TMCC1: variants seen among roughly 807,000 people sequenced by gnomAD.
The protein encoded by TMCC1 is transmembrane and coiled-coil domains protein 1.
Under a neutral mutation model 52.4 loss-of-function variants are expected in TMCC1, and 15 were observed. That is an observed-to-expected ratio of 0.29 (90% confidence interval 0.19 to 0.44). The LOEUF is 0.44. Among genes scored for constraint, TMCC1 ranks in the 20% least tolerant of loss-of-function variants. The pLI, the probability that TMCC1 is intolerant of heterozygous loss-of-function variation, is 1.00. For synonymous variants in TMCC1, 279 were observed against 301.9 expected (o/e 0.92, Z 0.79); for missense variants, 503 against 806.0 (o/e 0.62, Z 4.55).
At chr3:129,801,825 T>C (rs1017388737) in intron 4 of TMCC1, among the ~76,000 whole-genome samples, 66 of 152,346 alleles carry the variant, frequency 4.3e-4, no homozygotes, top group African/African-American at 1.5e-3. Context: ...TCATTTTCTA[T>C]AGAAGTAAGA....
chr3:129,765,148 C>T (rs2054020967), intron 4 of TMCC1, among the ~76,000 whole-genome samples: 1 of 146,930 alleles, frequency 6.8e-6, no homozygotes, highest in Non-Finnish European at 1.5e-5. Context: ...AAAAAAAAAC[C>T]CCAAAAGTCA....
chr3:129,836,923 G>A (rs2059187535), intron 2 of TMCC1, among the ~76,000 whole-genome samples: 1 of 152,184 alleles, frequency 6.6e-6, no homozygotes, highest in African/African-American at 2.4e-5. Flanking sequence ...TGAGGGAAGA[G>A]CAAGCAACAA....
chr3:129,837,131 A>G (rs2059195166), intron 2 of TMCC1, among the ~76,000 whole-genome samples: 1 of 152,132 alleles, frequency 6.6e-6, no homozygotes, highest in South Asian at 2.1e-4. Context: ...AAAAAACCTT[A>G]GCTTGAGGAT....
intron 1 of TMCC1, among the ~76,000 whole-genome samples, chr3:129,890,518 T>A (rs1367366839): frequency 1.3e-5 from 2 of 152,224 alleles, no homozygotes; most frequent in Admixed American, 1.3e-4. Flanking sequence ...GCAACACATC[T>A]ATGAGCATGT....
intron 1 of TMCC1, among the ~76,000 whole-genome samples, chr3:129,889,944 C>G (rs1007999022): frequency 2.7e-5 from 3 of 110,704 alleles, no homozygotes; most frequent in African/African-American, 2.1e-4. Flanking sequence ...AAAGAATAAA[C>G]TAAGCTCACA....
chr3:129,662,221 G>C (rs1354172823), intron 5 of TMCC1, among the ~76,000 whole-genome samples: 1 of 152,122 alleles, frequency 6.6e-6, no homozygotes, highest in Non-Finnish European at 1.5e-5. Flanking sequence ...TACAAGAACA[G>C]TCATGCCTCA....
chr3:129,759,716 T>A (rs2053354715), intron 4 of TMCC1, among the ~76,000 whole-genome samples: 2 of 110,220 alleles, frequency 1.8e-5, no homozygotes, highest in Non-Finnish European at 3.8e-5. Context: ...CAAACTTTTT[T>A]TTTTTTTTTT....
At chr3:129,682,281 G>A (rs1038891847) in intron 4 of TMCC1, among the ~76,000 whole-genome samples, 1 of 152,060 alleles carries the variant, frequency 6.6e-6, no homozygotes, top group Non-Finnish European at 1.5e-5. Context: ...ACAGACCCAC[G>A]TCACTATGCC....
chr3:129,862,547 C>T (rs1011420678), intron 2 of TMCC1, among the ~76,000 whole-genome samples: 3 of 152,080 alleles, frequency 2.0e-5, no homozygotes, highest in Non-Finnish European at 4.4e-5. Flanking sequence ...GGGATGAGCT[C>T]AAATAGCACC....
At position 129,701,818 on chromosome 3, in the gene TMCC1, A is replaced by C. The variant is rs2047857139; in HGVS notation, c.577-30554T>G. ...TGCAGAGAGCTGTTTTGAAATTGCAAAACATCATATAAAGCCATGATGGTA... is the reference window on the plus strand; with the variant it reads ...TGCAGAGAGCTGTTTTGAAATTGCACAACATCATATAAAGCCATGATGGTA... On this transcript the variant is annotated intron_variant, in intron 4 of 6. Coordinates refer to ENST00000393238, the MANE Select transcript of TMCC1 (RefSeq NM_001017395.5). Among the ~76,000 whole-genome samples, 3 of 152,150 alleles carry C rather than the reference A, an allele frequency of 2.0e-5. No individual in the cohort carries two copies. The South Asian group carries it at 6.2e-4, about 31-fold the overall frequency.
chr3:129,670,213 C>T (rs545365040), intron 5 of TMCC1, 117 bp downstream of exon 5: 53 of 1,105,530 alleles, frequency 4.8e-5, no homozygotes, highest in South Asian at 2.0e-4. Context: ...TATGACATAC[C>T]GAAAGTGCTC....
chr3:129,769,159 C>G (rs1041221067), intron 4 of TMCC1, among the ~76,000 whole-genome samples: 1 of 152,254 alleles, frequency 6.6e-6, no homozygotes, highest in African/African-American at 2.4e-5. Flanking sequence ...CCATTGCCAG[C>G]GGGCCGCACG....
At chr3:129,818,211 G>A (rs755881822) in intron 4 of TMCC1, among the ~76,000 whole-genome samples, 1 of 151,972 alleles carries the variant, frequency 6.6e-6, no homozygotes, top group Non-Finnish European at 1.5e-5. Context: ...CCAAAGTGCT[G>A]GGATCACAGG....
chr3:129,670,953 T>C lies in TMCC1; in HGVS notation c.888A>G (p.Gln296=). The C allele has an allele frequency of 6.2e-7, 1 of 1,614,252 alleles. No individual in the cohort carries two copies. The highest frequency in any genetic ancestry group is 1.1e-5 in the South Asian group (1 of 91,092). ...TCCTGTGGTAGTGCTCAAGTTTCTT[T>C]TGCAGCTGGAGGATAGTTTGGGCAG... ...QKSAQTILQL[Q]KKLEHYHRKL... is the part of the protein sequence containing the mutation. Residue 296 remains glutamine, a synonymous_variant, in exon 5 of 7, where the codon CAA becomes CAG. Coordinates refer to ENST00000393238, the MANE Select transcript of TMCC1 (RefSeq NM_001017395.5).
intron 4 of TMCC1, among the ~76,000 whole-genome samples, chr3:129,693,949 T>A (rs2047208277): frequency 6.6e-6 from 1 of 152,216 alleles, no homozygotes. Context: ...GAACATCACA[T>A]TTGAGAATAA....
chr3:129,884,646 CAG>C (rs1560618456), intron 1 of TMCC1, among the ~76,000 whole-genome samples: 1 of 152,072 alleles, frequency 6.6e-6, no homozygotes, highest in Non-Finnish European at 1.5e-5. Flanking sequence ...TGTCTGATAA[CAG>C]AGTCTTTTGA....
chr3:129,689,935 A>G (rs1456098575), intron 4 of TMCC1, among the ~76,000 whole-genome samples: 1 of 152,024 alleles, frequency 6.6e-6, no homozygotes, highest in Non-Finnish European at 1.5e-5. Flanking sequence ...AACAACAAAA[A>G]CCCTAATCCT....
chr3:129,651,300 T>C lies in TMCC1; in HGVS notation c.*181A>G. ...ATTTTCGCCCAAAAAACTTCTTGGA[T>C]AAAATCTAAAAAATACTATTGCAAT... On this transcript the variant is annotated 3_prime_UTR_variant, in exon 7 of 7. Transcript: ENST00000393238. This position sits in a 1 kb window ranked among gnomAD's most constrained non-coding sequence, Gnocchi z 5.1. 2 of 710,342 alleles carry C rather than the reference T, an allele frequency of 2.8e-6. No individual in the cohort carries two copies. The highest frequency in any genetic ancestry group is 4.4e-6 in the Non-Finnish European group (2 of 457,322). 44.0% of individuals were successfully genotyped at this position (710,342 alleles called of 1,614,324 possible). A position where few individuals can be genotyped will look rare whatever the true frequency, so the allele number is the denominator to read the frequency against.
At chr3:129,868,439 T>C (rs987307332) in intron 2 of TMCC1, among the ~76,000 whole-genome samples, 3 of 152,182 alleles carry the variant, frequency 2.0e-5, no homozygotes, top group African/African-American at 4.8e-5. Flanking sequence ...TTTAGCTGTT[T>C]CTTTTCTTTT....
Sources: gnomAD v4.1 joint callset for allele counts (sites outside exome capture counted in the v4.1 genomes callset) on GRCh38, gnomAD v4.1.1 for gene constraint, Gnocchi (gnomAD v3.1) non-coding constraint, MANE v1.5 for transcripts, NCBI Gene and HGNC (gene_info 2026-07-23, HGNC 2026-07-21) for gene names.